PLD5: variants seen among roughly 807,000 people sequenced by gnomAD.
PLD5 encodes the protein inactive phospholipase D5.
In PLD5, 36 loss-of-function variants were observed where a neutral mutation model predicts 61.1. The observed-to-expected ratio is 0.59, with a 90% confidence interval of 0.45 to 0.78. The LOEUF is 0.78. Among genes scored for constraint, PLD5 ranks in the 30% least tolerant of loss-of-function variants. PLD5 has a pLI of 0.00. For synonymous variants in PLD5, 243 were observed against 242.8 expected, an observed-to-expected ratio of 1.00 and a Z score of -0.01; for missense variants, 515 against 644.4, an observed-to-expected ratio of 0.80 and a Z score of 2.17.
At chr1:242,505,769 C>T (rs1668699673) in intron 1 of PLD5, among the ~76,000 whole-genome samples, 1 of 152,228 alleles carries the variant, frequency 6.6e-6, no homozygotes. Flanking sequence ...GGTATTCTCA[C>T]TGCAGTTATA....
At chr1:242,283,501 T>C (rs1247933725) in intron 3 of PLD5, among the ~76,000 whole-genome samples, 1 of 152,214 alleles carries the variant, frequency 6.6e-6, no homozygotes, top group Non-Finnish European at 1.5e-5. Flanking sequence ...CTCTGTTGGT[T>C]TAAAATTAAA....
At chr1:242,523,467 G>A (rs1227021259) in intron 1 of PLD5, among the ~76,000 whole-genome samples, 1 of 152,158 alleles carries the variant, frequency 6.6e-6, no homozygotes, top group African/African-American at 2.4e-5. Flanking sequence ...CCCTCCAGAG[G>A]GGAGGATTTC....
At chr1:242,136,366 C>T (rs908395650) in intron 5 of PLD5, among the ~76,000 whole-genome samples, 2 of 152,160 alleles carry the variant, frequency 1.3e-5, no homozygotes, top group Admixed American at 6.5e-5. Context: ...TGTGCTGTAT[C>T]GTAATATACT....
At chr1:242,360,233 A>G (rs1227069922) in intron 1 of PLD5, among the ~76,000 whole-genome samples, 1 of 152,170 alleles carries the variant, frequency 6.6e-6, no homozygotes, top group African/African-American at 2.4e-5. Context: ...ATCTAAAATA[A>G]ATCCTACTTA....
intron 1 of PLD5, among the ~76,000 whole-genome samples, chr1:242,492,016 T>A (rs1327897529): frequency 6.6e-6 from 1 of 152,234 alleles, no homozygotes; most frequent in Non-Finnish European, 1.5e-5. Context: ...ATCTTTTTTA[T>A]CTGTATGAAT....
intron 6 of PLD5, among the ~76,000 whole-genome samples, chr1:242,119,531 G>T (rs1431562682): frequency 6.6e-6 from 1 of 152,102 alleles, no homozygotes; most frequent in Non-Finnish European, 1.5e-5. Flanking sequence ...ATGGGCAAAA[G>T]ATTTCATATT....
chr1:242,277,296 C>A (rs1222605557), intron 3 of PLD5, among the ~76,000 whole-genome samples: 1 of 152,116 alleles, frequency 6.6e-6, no homozygotes, highest in African/African-American at 2.4e-5. Flanking sequence ...GGGAAGAGGA[C>A]CCCACGCAGA....
At chr1:242,410,760 G>T (rs1664503545) in intron 1 of PLD5, among the ~76,000 whole-genome samples, 1 of 152,142 alleles carries the variant, frequency 6.6e-6, no homozygotes, top group South Asian at 2.1e-4. Context: ...CGCCAAGCAG[G>T]TGACCTCAGG....
intron 5 of PLD5, among the ~76,000 whole-genome samples, chr1:242,131,926 C>G (rs987649207): frequency 8.0e-5 from 12 of 149,316 alleles, no homozygotes; most frequent in African/African-American, 2.7e-4. Context: ...CCTCTGCCTC[C>G]TGGGTTCAAG....
At chr1:242,381,338 A>G (rs1385393152) in intron 1 of PLD5, among the ~76,000 whole-genome samples, 1 of 152,116 alleles carries the variant, frequency 6.6e-6, no homozygotes, top group Non-Finnish European at 1.5e-5. Context: ...TATAAGTGGG[A>G]GCTGAACGAT....
At chr1:242,449,024 A>G (rs71652410) in intron 1 of PLD5, among the ~76,000 whole-genome samples, 6,546 of 152,318 alleles carry the variant, frequency 0.043, 183 homozygotes, top group Admixed American at 0.084. Flanking sequence ...AATTACAGTT[A>G]CTTTCAGAGG....
At chr1:242,452,947 G>A (rs1343956961) in intron 1 of PLD5, among the ~76,000 whole-genome samples, 1 of 152,134 alleles carries the variant, frequency 6.6e-6, no homozygotes, top group Non-Finnish European at 1.5e-5. Flanking sequence ...CAGGTAAAAT[G>A]CTCAGCGGAA....
At chr1:242,465,376 T>A (rs1347642171) in intron 1 of PLD5, among the ~76,000 whole-genome samples, 1 of 152,248 alleles carries the variant, frequency 6.6e-6, no homozygotes, top group African/African-American at 2.4e-5. Flanking sequence ...TATTATACTC[T>A]TATCACCTTA....
intron 1 of PLD5, among the ~76,000 whole-genome samples, chr1:242,359,115 C>T (rs1034333351): frequency 3.3e-5 from 5 of 152,086 alleles, no homozygotes; most frequent in Admixed American, 2.6e-4. Flanking sequence ...GGCAGGTACA[C>T]TGAGCTTTCA....
intron 1 of PLD5, among the ~76,000 whole-genome samples, chr1:242,477,410 C>G (rs1667629648): frequency 6.6e-6 from 1 of 152,154 alleles, no homozygotes; most frequent in Non-Finnish European, 1.5e-5. Flanking sequence ...GTAAAGCTGT[C>G]TTTCTATATT....
intron 1 of PLD5, among the ~76,000 whole-genome samples, chr1:242,519,811 C>A (rs577623900): frequency 2.6e-5 from 4 of 152,170 alleles, no homozygotes; most frequent in South Asian, 2.1e-4. Context: ...AGTGAGCCAG[C>A]CTTGCCGACC....
intron 5 of PLD5, among the ~76,000 whole-genome samples, chr1:242,219,028 T>C (rs1670395269): frequency 6.6e-6 from 1 of 152,238 alleles, no homozygotes; most frequent in African/African-American, 2.4e-5. Flanking sequence ...TAATCATTGA[T>C]TTCACTGGAC....
At chr1:242,390,832 G>A (rs900955645) in intron 1 of PLD5, among the ~76,000 whole-genome samples, 11 of 152,170 alleles carry the variant, frequency 7.2e-5, no homozygotes, top group African/African-American at 2.6e-4. Context: ...AGAAATGACA[G>A]AAGGAACATG....
At chr1:242,379,826 C>G (rs1662181081) in intron 1 of PLD5, among the ~76,000 whole-genome samples, 2 of 152,144 alleles carry the variant, frequency 1.3e-5, no homozygotes, top group South Asian at 4.1e-4. Context: ...TGTTCAGAGG[C>G]TGAGACACTT....
Sources: allele counts gnomAD v4.1 joint callset (sites outside exome capture counted in the v4.1 genomes callset), GRCh38; gene constraint gnomAD v4.1.1; transcripts MANE v1.5; gene names NCBI Gene and HGNC (gene_info 2026-07-23, HGNC 2026-07-21).